Variants in LDLRAD4 observed in about 807,000 individuals in gnomAD.
LDLRAD4 encodes low-density lipoprotein receptor class A domain-containing protein 4.
LDLRAD4 carries 5 observed loss-of-function variants against 17.0 expected under a neutral mutation model. The ratio of observed to expected loss-of-function variants is 0.29; its 90% CI spans 0.15 to 0.62. The LOEUF (loss-of-function observed/expected upper bound fraction) is 0.62. Among genes scored for constraint, LDLRAD4 ranks in the 20% least tolerant of loss-of-function variants. The pLI, the probability that LDLRAD4 is intolerant of heterozygous loss-of-function variation, is 0.84. For missense variants in LDLRAD4, 340 were observed against 424.7 expected (o/e 0.80, Z 1.75); for synonymous variants, 168 against 171.8 (o/e 0.98, Z 0.17).
At chr18:13,251,577 C>CAACTAGGTGA (rs1303619849) in intron 1 of LDLRAD4, among the ~76,000 whole-genome samples, 1 of 152,110 alleles carries the variant, frequency 6.6e-6, no homozygotes, top group Admixed American at 6.5e-5. Context: ...TATAGACAAA[C>CAACTAGGTGA]AACTAGGTGA....
chr18:13,441,849 A>G (rs1247423192), intron 3 of LDLRAD4, among the ~76,000 whole-genome samples: 1 of 152,178 alleles, frequency 6.6e-6, no homozygotes, highest in East Asian at 1.9e-4. Context: ...GCCTCTCCTC[A>G]CCATGGTCAG....
chr18:13,588,902 CT>C (rs2094970159), intron 3 of LDLRAD4, among the ~76,000 whole-genome samples: 1 of 150,540 alleles, frequency 6.6e-6, no homozygotes, highest in South Asian at 2.1e-4. Flanking sequence ...ACTCTGCCAT[CT>C]TTTTCCTTTT....
chr18:13,383,837 C>G (rs973123419), intron 1 of LDLRAD4, among the ~76,000 whole-genome samples: 1 of 152,164 alleles, frequency 6.6e-6, no homozygotes, highest in Admixed American at 6.5e-5. Flanking sequence ...CTGAGCAGAA[C>G]GAAGCTTGCA....
chr18:13,464,132 C>A (rs1044829992), intron 3 of LDLRAD4, among the ~76,000 whole-genome samples: 3 of 152,194 alleles, frequency 2.0e-5, no homozygotes, highest in Non-Finnish European at 2.9e-5. Flanking sequence ...ACAAGCCTTT[C>A]AAGTACAAAT....
chr18:13,249,366 C>A (rs567498546), intron 1 of LDLRAD4, among the ~76,000 whole-genome samples: 23 of 152,342 alleles, frequency 1.5e-4, no homozygotes, highest in African/African-American at 5.1e-4. Flanking sequence ...TTCCCACCAA[C>A]AGTGTGTAAC....
chr18:13,492,222 T>G (rs544810166), intron 3 of LDLRAD4, among the ~76,000 whole-genome samples: 1 of 152,286 alleles, frequency 6.6e-6, no homozygotes, highest in African/African-American at 2.4e-5. Context: ...AGAGGAAGGA[T>G]GCGAGTGGCC....
intron 3 of LDLRAD4, among the ~76,000 whole-genome samples, chr18:13,525,467 G>T (rs1226520047): frequency 6.6e-6 from 1 of 152,216 alleles, no homozygotes; most frequent in Non-Finnish European, 1.5e-5. Flanking sequence ...CTACCAGTCG[G>T]GATCTGCAGG....
intron 3 of LDLRAD4, among the ~76,000 whole-genome samples, chr18:13,598,496 G>C (rs951184671): frequency 1.3e-5 from 2 of 152,238 alleles, no homozygotes; most frequent in African/African-American, 4.8e-5. Flanking sequence ...AGGCCCCTTT[G>C]CAGGGGTCAT....
At chr18:13,222,154 T>A (rs1218705117) in intron 1 of LDLRAD4, among the ~76,000 whole-genome samples, 1 of 152,198 alleles carries the variant, frequency 6.6e-6, no homozygotes, top group Middle Eastern at 3.2e-3. Flanking sequence ...TTTTCCTCTG[T>A]ACCCCCTTCT....
intron 1 of LDLRAD4, among the ~76,000 whole-genome samples, chr18:13,374,323 C>G (rs547316037): frequency 3.3e-5 from 5 of 152,356 alleles, no homozygotes. Flanking sequence ...GGACTGCAGG[C>G]TGCCGATGGG....
chr18:13,468,208 A>T (rs1229885515), intron 3 of LDLRAD4, among the ~76,000 whole-genome samples: 1 of 152,262 alleles, frequency 6.6e-6, no homozygotes, highest in East Asian at 1.9e-4. Flanking sequence ...AAGACATCCT[A>T]CAAAATGGGA....
chr18:13,245,600 G>A (rs1042652129), intron 1 of LDLRAD4, among the ~76,000 whole-genome samples: 6 of 152,312 alleles, frequency 3.9e-5, no homozygotes, highest in South Asian at 2.1e-4. Context: ...CTCTCTGTCC[G>A]TCTCACTATG....
At chr18:13,431,714 A>AC (rs2090347814) in intron 2 of LDLRAD4, among the ~76,000 whole-genome samples, 1 of 152,164 alleles carries the variant, frequency 6.6e-6, no homozygotes, top group East Asian at 1.9e-4. Context: ...ACTCTCTTTG[A>AC]CGGGAGGCTC....
chr18:13,445,758 C>T (rs2091358565), intron 3 of LDLRAD4, among the ~76,000 whole-genome samples: 1 of 142,150 alleles, frequency 7.0e-6, no homozygotes, highest in African/African-American at 2.6e-5. Context: ...TGGGTGTGTG[C>T]ATGTGTGGGT....
intron 1 of LDLRAD4, among the ~76,000 whole-genome samples, chr18:13,356,073 G>T (rs1284210586): frequency 6.6e-6 from 1 of 152,270 alleles, no homozygotes; most frequent in Non-Finnish European, 1.5e-5. Context: ...AAGTGAGCGG[G>T]CTCAGCCAGG....
At chr18:13,389,243 A>G (rs2086073838) in intron 2 of LDLRAD4, among the ~76,000 whole-genome samples, 1 of 149,424 alleles carries the variant, frequency 6.7e-6, no homozygotes, top group Admixed American at 6.7e-5. Context: ...CCTCGTGGAT[A>G]CTCCTCCCCT....
intron 3 of LDLRAD4, among the ~76,000 whole-genome samples, chr18:13,506,006 G>T (rs1383084627): frequency 6.6e-6 from 1 of 151,638 alleles, no homozygotes; most frequent in African/African-American, 2.4e-5. Context: ...TCCTCAGTGT[G>T]GATCCACTTC....
chr18:13,605,392 AT>A (rs1367468994), intron 3 of LDLRAD4, among the ~76,000 whole-genome samples: 8 of 151,984 alleles, frequency 5.3e-5, no homozygotes, highest in Non-Finnish European at 5.9e-5. Context: ...TAATTTTTAA[AT>A]TTTTTTTGAA....
chr18:13,564,078 G>GT (rs1236828609), intron 3 of LDLRAD4, among the ~76,000 whole-genome samples: 4 of 151,976 alleles, frequency 2.6e-5, no homozygotes, highest in Middle Eastern at 3.2e-3. Context: ...GATAATTGTG[G>GT]TTTTTTTGTA....
Sources: allele counts gnomAD v4.1 joint callset (sites outside exome capture counted in the v4.1 genomes callset), GRCh38; gene constraint gnomAD v4.1.1; transcripts MANE v1.5; gene names NCBI Gene and HGNC (gene_info 2026-07-23, HGNC 2026-07-21).